CPNE4: variants seen among roughly 807,000 people sequenced by gnomAD.
The protein encoded by CPNE4 is copine-4.
CPNE4 carries 25 observed loss-of-function variants against 67.9 expected under a neutral mutation model. The observed-to-expected ratio is 0.37, with a 90% CI of 0.27 to 0.51. CPNE4 has a LOEUF of 0.51. Among genes scored for constraint, CPNE4 ranks in the 20% least tolerant of loss-of-function variants. The probability of loss-of-function intolerance (pLI) is 0.93; values close to 1 mark genes in which losing one functional copy is unlikely to be tolerated. For synonymous variants in CPNE4, 242 were observed against 244.9 expected, an observed-to-expected ratio of 0.99 and a Z score of 0.11; for missense variants, 464 against 690.8, an observed-to-expected ratio of 0.67 and a Z score of 3.68.
chr3:131,905,325 G>A lies in CPNE4; in HGVS notation c.119C>T (p.Ala40Val), dbSNP rs944595449. The A allele has an allele frequency of 5.3e-5, 86 of 1,613,402 alleles. No individual in the cohort carries two copies. Among genetic ancestry groups the A allele is most frequent in the Non-Finnish European group, 7.1e-5 (84 of 1,179,690 alleles). The change falls in exon 2 of 16, where the codon GCC (alanine) becomes GTC (valine). Residue 40 changes from alanine (A) to valine (V), a missense_variant. By Grantham distance (64) the Ala-to-Val change is moderately conservative (BLOSUM62 0). Transcript: ENST00000429747. ...GACACAGGGGTCTGGTTTGGAAAGGGCATCTCTGTCAGAAATGCCTTTGCA... is the reference window on the plus strand; with the variant it reads ...GACACAGGGGTCTGGTTTGGAAAGGACATCTCTGTCAGAAATGCCTTTGCA... The part of the protein sequence containing the change: ...VACKGISDRD[A>V]LSKPDPCVIL...
intron 3 of CPNE4, among the ~76,000 whole-genome samples, chr3:131,714,051 G>A (rs1250165738): frequency 1.3e-5 from 2 of 152,150 alleles, no homozygotes; most frequent in Admixed American, 1.3e-4. Context: ...GAAGCAGAAG[G>A]AGAATGACTT....
rs57350854 is a variant in CPNE4 at position 131,721,398 on chromosome 3, C to CATTTT, written c.360+2047_360+2048insAAAAT. On this transcript the variant is annotated intron_variant, in intron 3 of 15. Transcript: ENST00000429747. ...CCACATGATTCCCACACGGATCTAC[C>CATTTT]TTTTTTTTTTTTTTTGAGACGGAGT... Among the ~76,000 whole-genome samples the CATTTT allele has an allele frequency of 3.7e-3, 470 of 128,326 alleles. 15 individuals carry two copies. The highest frequency in any genetic ancestry group is 0.011 in the African/African-American group (382 of 33,834). 84.2% of individuals were successfully genotyped at this position (128,326 alleles called of 152,430 possible). A position where few individuals can be genotyped will look rare whatever the true frequency, so the allele number is the denominator to read the frequency against.
intron 2 of CPNE4, among the ~76,000 whole-genome samples, chr3:131,842,633 A>G (rs545140780): frequency 2.0e-5 from 3 of 151,978 alleles, no homozygotes; most frequent in South Asian, 4.2e-4. Flanking sequence ...ACAAGACTGC[A>G]GTGAATTGGA....
At chr3:131,603,726 C>T (rs918211948) in intron 7 of CPNE4, among the ~76,000 whole-genome samples, 2 of 152,136 alleles carry the variant, frequency 1.3e-5, no homozygotes, top group Non-Finnish European at 2.9e-5. Flanking sequence ...TGGAGAGACA[C>T]CATGAGGAGA....
chr3:131,718,184 T>C (rs187024288), intron 3 of CPNE4, among the ~76,000 whole-genome samples: 56 of 151,974 alleles, frequency 3.7e-4, no homozygotes, highest in Admixed American at 1.4e-3. Context: ...TTAGTAGAGA[T>C]GGGTTTCACT....
At chr3:131,943,232 A>T (rs2107863561) in intron 1 of CPNE4, among the ~76,000 whole-genome samples, 2 of 152,268 alleles carry the variant, frequency 1.3e-5, no homozygotes, top group South Asian at 4.1e-4. Context: ...TGGTAACATA[A>T]ATAAAGCCTA....
At chr3:132,007,100 G>C (rs534449094) in intron 1 of CPNE4, among the ~76,000 whole-genome samples, 3 of 152,214 alleles carry the variant, frequency 2.0e-5, no homozygotes, top group Non-Finnish European at 2.9e-5. Context: ...GATTTTTCTA[G>C]AATGTATGAT....
intron 2 of CPNE4, among the ~76,000 whole-genome samples, chr3:131,893,474 G>C (rs2088197722): frequency 6.6e-6 from 1 of 151,922 alleles, no homozygotes; most frequent in East Asian, 1.9e-4. Flanking sequence ...AGACCAAATG[G>C]ACCTAACAGA....
chr3:131,743,845 C>A (rs577524533), intron 2 of CPNE4, among the ~76,000 whole-genome samples: 4 of 150,594 alleles, frequency 2.7e-5, no homozygotes, highest in African/African-American at 9.7e-5. Flanking sequence ...CGCCTGTAGT[C>A]CCAGCTACTC....
At chr3:131,943,959 TTCTC>T (rs1401146065) in intron 1 of CPNE4, among the ~76,000 whole-genome samples, 5 of 152,124 alleles carry the variant, frequency 3.3e-5, no homozygotes, top group Admixed American at 2.0e-4. Context: ...CATACCATTG[TTCTC>T]TCTGTTTTCT....
intron 2 of CPNE4, among the ~76,000 whole-genome samples, chr3:131,734,846 G>A (rs974992133): frequency 6.6e-6 from 1 of 152,106 alleles, no homozygotes; most frequent in South Asian, 2.1e-4. Flanking sequence ...AGCCATGAAC[G>A]CACTGAGGCA....
intron 2 of CPNE4, among the ~76,000 whole-genome samples, chr3:131,817,568 G>A (rs2084793321): frequency 6.6e-6 from 1 of 152,130 alleles, no homozygotes; most frequent in Non-Finnish European, 1.5e-5. Context: ...ATGGAGATGT[G>A]GATGAAGGAA....
intron 5 of CPNE4, among the ~76,000 whole-genome samples, chr3:131,687,242 C>T (rs1426079974): frequency 6.6e-6 from 1 of 152,134 alleles, no homozygotes; most frequent in Non-Finnish European, 1.5e-5. Context: ...AACCTATCTC[C>T]ATCCCTTTTA....
chr3:131,535,872 T>C (rs958212562), intron 15 of CPNE4, among the ~76,000 whole-genome samples: 1 of 152,336 alleles, frequency 6.6e-6, no homozygotes, highest in Non-Finnish European at 1.5e-5. Context: ...TAGTGATTCA[T>C]ATGCATATTA....
chr3:131,851,303 T>C (rs1333986638), intron 2 of CPNE4, among the ~76,000 whole-genome samples: 1 of 152,064 alleles, frequency 6.6e-6, no homozygotes, highest in Non-Finnish European at 1.5e-5. Context: ...ATTAATATTT[T>C]TAATCTCTCC....
At chr3:131,678,723 T>G (rs2080650951) in intron 6 of CPNE4, among the ~76,000 whole-genome samples, 1 of 152,250 alleles carries the variant, frequency 6.6e-6, no homozygotes. Flanking sequence ...GTTCTGTTTA[T>G]GTGATGAATC....
intron 7 of CPNE4, among the ~76,000 whole-genome samples, chr3:131,621,418 C>T (rs1175786276): frequency 6.6e-6 from 1 of 151,708 alleles, no homozygotes; most frequent in Non-Finnish European, 1.5e-5. Flanking sequence ...CTAATTAAAA[C>T]TTTTTTTTGT....
intron 2 of CPNE4, among the ~76,000 whole-genome samples, chr3:131,730,753 C>G (rs1390846309): frequency 6.6e-6 from 1 of 152,138 alleles, no homozygotes; most frequent in Non-Finnish European, 1.5e-5. Context: ...AGATTTCCAG[C>G]AAAACTACCA....
chr3:131,632,365 A>T (rs1250574993), intron 7 of CPNE4, among the ~76,000 whole-genome samples: 1 of 152,068 alleles, frequency 6.6e-6, no homozygotes, highest in African/African-American at 2.4e-5. Flanking sequence ...CCTTCAGCTT[A>T]TGAGGGAGGA....
Sources: gnomAD v4.1 joint callset for allele counts (sites outside exome capture counted in the v4.1 genomes callset) on GRCh38, gnomAD v4.1.1 for gene constraint, MANE v1.5 for transcripts, NCBI Gene and HGNC (gene_info 2026-07-23, HGNC 2026-07-21) for gene names.